Variants in CAMKK2 observed in about 807,000 individuals in gnomAD.
CAMKK2 encodes the protein calcium/calmodulin-dependent protein kinase kinase 2.
In CAMKK2, 30 loss-of-function variants were observed where a neutral mutation model predicts 67.2. The ratio of observed to expected loss-of-function variants is 0.45; its 90% CI spans 0.33 to 0.61. CAMKK2 has a LOEUF of 0.61. Ranked by LOEUF, CAMKK2 falls within the 20% of genes least tolerant of loss-of-function variation. CAMKK2 has a pLI of 0.02. For synonymous variants in CAMKK2, 322 were observed against 326.2 expected (o/e 0.99, Z 0.14); for missense variants, 643 against 802.0 (o/e 0.80, Z 2.39).
chr12:121,282,253 T>C (rs377349715), intron 1 of CAMKK2, among the ~76,000 whole-genome samples: 1 of 150,872 alleles, frequency 6.6e-6, no homozygotes, highest in African/African-American at 2.4e-5. Flanking sequence ...AGGAACAAAG[T>C]GGGGAAGGAG....
intron 1 of CAMKK2, among the ~76,000 whole-genome samples, chr12:121,292,144 GAGA>G (rs1026981998): frequency 1.3e-5 from 2 of 149,032 alleles, no homozygotes; most frequent in East Asian, 2.0e-4. Context: ...TTTTTCTTTT[GAGA>G]AGGAGTCTTG....
rs905124565 is a variant in CAMKK2, at chr12:121,290,915, G to A, written c.-60+5723C>T. On this transcript the variant is annotated intron_variant, in intron 1 of 16. Transcript: ENST00000404169. ...GCTCACTGCAGCCTCTGCCTCCCGGGTTCAAGCGATTCTCCTGCCTCAGCC... is the reference window on the plus strand; with the variant it reads ...GCTCACTGCAGCCTCTGCCTCCCGGATTCAAGCGATTCTCCTGCCTCAGCC... 2.0e-5 allele frequency among the ~76,000 whole-genome samples: 3 copies of A among 152,054 alleles called. No individual in the cohort carries two copies. In the South Asian group the frequency reaches 6.3e-4, roughly 32 times the overall value.
rs374345929 is a variant in CAMKK2 at position 121,274,900 on chromosome 12, T to C, written c.-59-315A>G. Among the ~76,000 whole-genome samples the C allele has an allele frequency of 2.7e-5, 4 of 150,286 alleles. No homozygotes were observed. The South Asian group carries it at 6.4e-4, about 24-fold the overall frequency. ...ATAGCTCACTGTACCCTTGAACTCC[T>C]AGGCTCAAGTGATCCTCCCATCTCA... On this transcript the variant is annotated intron_variant, in intron 1 of 16. Transcript: ENST00000404169.
chr12:121,275,757 G>A (rs1456278860), intron 1 of CAMKK2, among the ~76,000 whole-genome samples: 4 of 152,226 alleles, frequency 2.6e-5, no homozygotes, highest in South Asian at 4.1e-4. Flanking sequence ...TGATCAAAAC[G>A]TTTTGAAACT....
At position 121,240,727 on chromosome 12, in the gene CAMKK2, C is replaced by A; in HGVS notation, c.1739G>T (p.Arg580Leu). 1.2e-6 allele frequency: 2 copies of A among 1,607,610 alleles called. No individual in the cohort carries two copies. Among genetic ancestry groups the A allele is most frequent in the Non-Finnish European group, 1.7e-6 (2 of 1,178,814 alleles). ...PGSPARMHPL[R>L]PEEAMEPE Reference sequence around the variant, plus strand: ...CTCGGGCTCCATGGCCTCCTCCGGCCGCAGTGGATGCATGCGTGCGGGGGA... The same window carrying A: ...CTCGGGCTCCATGGCCTCCTCCGGCAGCAGTGGATGCATGCGTGCGGGGGA... Residue 580 changes from arginine to leucine, a missense_variant, in exon 17 of 17, where the codon CGG becomes CTG. Physicochemically the swap from Arg to Leu is moderately radical, Grantham distance 102. Coordinates refer to ENST00000404169, the MANE Select transcript of CAMKK2 (RefSeq NM_001270485.2). This position sits in a 1 kb window ranked among gnomAD's most constrained non-coding sequence, Gnocchi z 4.4.
chr12:121,266,603 T>G (rs1489333334), intron 5 of CAMKK2, among the ~76,000 whole-genome samples: 1 of 151,306 alleles, frequency 6.6e-6, no homozygotes, highest in Non-Finnish European at 1.5e-5. Context: ...TTCAAGCAAT[T>G]CTCTGCCTCA....
intron 1 of CAMKK2, among the ~76,000 whole-genome samples, chr12:121,292,714 TC>T (rs1345026922): frequency 6.6e-6 from 1 of 152,090 alleles, no homozygotes; most frequent in Non-Finnish European, 1.5e-5. Context: ...TATAATCCAA[TC>T]CCAGCACTTT....
chr12:121,274,705 A>C (rs540119202), intron 1 of CAMKK2, 120 bp from the exon 2 acceptor site: 2 of 591,554 alleles, frequency 3.4e-6, no homozygotes, highest in African/African-American at 1.9e-5. Flanking sequence ...TCCTAAAAAA[A>C]TCTTGCAAAA....
rs1890304610 is a variant in CAMKK2 at position 121,249,852 on chromosome 12, T to C, written c.1258A>G (p.Lys420Glu). The change falls in exon 13 of 17, where the codon AAG becomes GAG. Residue 420 changes from lysine (K) to glutamate (E), a missense_variant. Transcript: ENST00000404169. ...TCCAGCATACGGGTGATCAGGTCCT[T>C]CAAGTCCTCAGCTATGTCGGGCCTG... The part of the protein sequence containing the change: ...PDQPDIAEDL[K>E]DLITRMLDKN... The C allele has an allele frequency of 1.2e-6, 2 of 1,614,114 alleles. No homozygotes were observed. Among genetic ancestry groups the C allele is most frequent in the Non-Finnish European group, 1.7e-6 (2 of 1,180,000 alleles).
chr12:121,278,010 C>T (rs1369816275), intron 1 of CAMKK2, among the ~76,000 whole-genome samples: 1 of 152,008 alleles, frequency 6.6e-6, no homozygotes, highest in Non-Finnish European at 1.5e-5. Context: ...AAAGAAAATA[C>T]CTGTAACCAT....
At chr12:121,276,013 AG>A (rs1896728354) in intron 1 of CAMKK2, among the ~76,000 whole-genome samples, 2 of 151,988 alleles carry the variant, frequency 1.3e-5, no homozygotes, top group African/African-American at 2.4e-5. Flanking sequence ...TACAAAAATT[AG>A]CCAAGTGTGG....
At chr12:121,263,577 C>T (rs1024339174) in intron 6 of CAMKK2, among the ~76,000 whole-genome samples, 1 of 151,836 alleles carries the variant, frequency 6.6e-6, no homozygotes, top group African/African-American at 2.4e-5. Context: ...TTCCTTTGTC[C>T]GTAAAATGAG....
chr12:121,258,090 T>C (rs1302235521), intron 7 of CAMKK2, among the ~76,000 whole-genome samples: 1 of 150,480 alleles, frequency 6.6e-6, no homozygotes, highest in Admixed American at 6.7e-5. Context: ...AATGGCACGA[T>C]CTCGGTTCAC....
intron 1 of CAMKK2, among the ~76,000 whole-genome samples, chr12:121,293,127 A>T (rs1222078633): frequency 6.6e-6 from 1 of 151,684 alleles, no homozygotes; most frequent in Non-Finnish European, 1.5e-5. Flanking sequence ...AATACAAAAA[A>T]TTAGCCAGGC....
Position 121,240,368 on chromosome 12 carries a change from T to C in CAMKK2, c.*331A>G. On this transcript the variant is annotated 3_prime_UTR_variant, in exon 17 of 17. Coordinates refer to ENST00000404169, the MANE Select transcript of CAMKK2 (RefSeq NM_001270485.2). This position sits in a 1 kb window ranked among gnomAD's most constrained non-coding sequence, Gnocchi z 4.4. ...ACCCCACACACAGTCACTTGGTATA[T>C]CTGACGTGGTTCTGAAAATCACAAT... 7.2e-7 allele frequency: 1 copy of C among 1,387,300 alleles called. No homozygotes were observed. 85.9% of individuals were successfully genotyped at this position (1,387,300 alleles called of 1,614,324 possible). A position where few individuals can be genotyped will look rare whatever the true frequency, so the allele number is the denominator to read the frequency against.
intron 13 of CAMKK2, 64 bp from the exon 14 acceptor site, chr12:121,248,798 G>T: frequency 1.3e-6 from 2 of 1,593,872 alleles, no homozygotes; most frequent in South Asian, 1.1e-5. Context: ...CCCTGCCAGC[G>T]AGCGGAGCCA....
chr12:121,242,788 G>C (rs181013244), intron 16 of CAMKK2, among the ~76,000 whole-genome samples: 10 of 152,266 alleles, frequency 6.6e-5, no homozygotes, highest in Non-Finnish European at 1.2e-4. Context: ...TGTCGCCCAG[G>C]CTGGAGTGCT....
intron 1 of CAMKK2, among the ~76,000 whole-genome samples, chr12:121,280,173 G>A (rs1460161252): frequency 6.6e-6 from 1 of 152,270 alleles, no homozygotes; most frequent in Non-Finnish European, 1.5e-5. Flanking sequence ...CATGGCAGAA[G>A]AACATGGATT....
intron 13 of CAMKK2, 90 bp downstream of exon 13, chr12:121,249,697 G>C (rs1173407544): frequency 4.9e-6 from 5 of 1,030,896 alleles, no homozygotes; most frequent in Non-Finnish European, 7.7e-6. Flanking sequence ...AGGAGGGTGT[G>C]GTGCTGTGGA....
Sources: allele counts gnomAD v4.1 joint callset (sites outside exome capture counted in the v4.1 genomes callset), GRCh38; gene constraint gnomAD v4.1.1; non-coding constraint Gnocchi (gnomAD v3.1); transcripts MANE v1.5; gene names NCBI Gene and HGNC (gene_info 2026-07-23, HGNC 2026-07-21).